The following DMD variants were observed in gnomAD, a reference collection of about 807,000 sequenced individuals.
The protein encoded by DMD is mutant dystrophin.
A neutral mutation model predicts 330.1 loss-of-function variants in DMD; 63 were observed. The observed-to-expected ratio is 0.19, with a 90% CI of 0.16 to 0.24. The LOEUF (loss-of-function observed/expected upper bound fraction) is 0.24, where lower values mean the gene tolerates loss of function less well. Ranked by LOEUF, DMD falls within the 10% of genes least tolerant of loss-of-function variation. The pLI is 1.00. For missense variants in DMD, 3,344 were observed against 2,684.1 expected (o/e 1.25, Z -5.43); for synonymous variants, 1,223 against 959.8 (o/e 1.27, Z -5.07).
chrX:31,120,835 C>T lies in DMD; in HGVS notation c.*1084G>A, dbSNP rs1443877565. On this transcript the variant is annotated 3_prime_UTR_variant, in exon 79 of 79. Coordinates refer to ENST00000357033, the MANE Select transcript of DMD (RefSeq NM_004006.3). ...CACTGAAGCATCATTAAATCTAAATCGTGGCATTGCTAGCAGCAGGAAGCT... is the reference window on the plus strand; with the variant it reads ...CACTGAAGCATCATTAAATCTAAATTGTGGCATTGCTAGCAGCAGGAAGCT... 1 of 107,651 alleles carries T rather than the reference C, an allele frequency of 9.3e-6. No individual in the cohort carries two copies. The highest frequency in any genetic ancestry group is 3.5e-5 in the African/African-American group (1 of 28,175). 8.9% of individuals were successfully genotyped at this position (107,651 alleles called of 1,213,427 possible).
chrX:32,492,200 T>C (rs1411851324), intron 19 of DMD, among the ~76,000 whole-genome samples: 2 of 110,729 alleles, frequency 1.8e-5, no homozygotes, highest in African/African-American at 6.6e-5. Context: ...TAGCCGGGCG[T>C]GGTGGCGGGC....
intron 7 of DMD, among the ~76,000 whole-genome samples, chrX:32,707,994 G>A (rs1006162050): frequency 3.6e-4 from 40 of 111,750 alleles, no homozygotes; most frequent in African/African-American, 1.2e-3. Flanking sequence ...TCTTTCCTCT[G>A]CTGCTAGAAA....
At chrX:32,205,470 C>T (rs2097064024) in intron 44 of DMD, among the ~76,000 whole-genome samples, 1 of 109,768 alleles carries the variant, frequency 9.1e-6, no homozygotes. Context: ...CTTTGGGTTG[C>T]CTCTGCTCTG....
intron 60 of DMD, among the ~76,000 whole-genome samples, chrX:31,373,175 C>A (rs1023601377): frequency 9.4e-6 from 1 of 106,296 alleles, no homozygotes; most frequent in Non-Finnish European, 1.9e-5. Flanking sequence ...AAAGAGGATA[C>A]AAAGAAATGG....
chrX:31,669,296 C>G (rs191849626), intron 53 of DMD, among the ~76,000 whole-genome samples: 1 of 111,825 alleles, frequency 8.9e-6, no homozygotes, highest in African/African-American at 3.2e-5. Flanking sequence ...CTTTTTATAA[C>G]AGCCATTCTA....
intron 55 of DMD, among the ~76,000 whole-genome samples, chrX:31,572,006 G>A (rs2075847239): frequency 9.0e-6 from 1 of 110,835 alleles, no homozygotes; most frequent in African/African-American, 3.3e-5. Flanking sequence ...AGGAGAGAGA[G>A]GAGCAGAAAA....
At chrX:31,760,996 G>A (rs2089538427) in intron 51 of DMD, among the ~76,000 whole-genome samples, 1 of 97,617 alleles carries the variant, frequency 1.0e-5, no homozygotes, top group Admixed American at 1.2e-4. Flanking sequence ...CCAGGCTGGA[G>A]TGCAGTAGCC....
intron 50 of DMD, among the ~76,000 whole-genome samples, chrX:31,788,023 TA>T (rs2091397677): frequency 8.9e-6 from 1 of 112,309 alleles, no homozygotes; most frequent in Non-Finnish European, 1.9e-5. Flanking sequence ...AAGGTAATCA[TA>T]AATAAAACAT....
intron 2 of DMD, among the ~76,000 whole-genome samples, chrX:32,964,509 A>G (rs780370014): frequency 3.6e-5 from 4 of 109,769 alleles, no homozygotes; most frequent in African/African-American, 1.3e-4. Context: ...GGAGTTTGAG[A>G]CCAGCCTGGC....
chrX:31,341,874 C>T (rs1256118137), intron 61 of DMD, among the ~76,000 whole-genome samples: 7 of 76,380 alleles, frequency 9.2e-5, no homozygotes, highest in Admixed American at 1.4e-4. Context: ...CTGGCGTGCG[C>T]GCGTGCGTGC....
chrX:31,944,152 C>G (rs2095050578), intron 45 of DMD, among the ~76,000 whole-genome samples: 1 of 111,358 alleles, frequency 9.0e-6, no homozygotes, highest in Non-Finnish European at 1.9e-5. Context: ...CCCTGAGACC[C>G]ATGCAGTGGT....
intron 43 of DMD, among the ~76,000 whole-genome samples, chrX:32,263,850 C>G (rs1040471933): frequency 9.0e-6 from 1 of 111,633 alleles, no homozygotes; most frequent in Non-Finnish European, 1.9e-5. Context: ...CTCATTTATC[C>G]CTCAGCCATT....
intron 44 of DMD, among the ~76,000 whole-genome samples, chrX:32,120,333 C>T (rs959677516): frequency 1.8e-5 from 2 of 111,926 alleles, no homozygotes; most frequent in African/African-American, 3.2e-5. Context: ...TGGACCTGCA[C>T]CAAAGTTACT....
At chrX:31,544,131 C>T (rs986961190) in intron 55 of DMD, among the ~76,000 whole-genome samples, 4 of 110,395 alleles carry the variant, frequency 3.6e-5, no homozygotes, top group Non-Finnish European at 7.6e-5. Context: ...AAGACCAGTC[C>T]GGCTAACATG....
chrX:32,123,202 CATATATATATATATAT>C lies in DMD; in HGVS notation c.6438+93698_6438+93713del, dbSNP rs59017074. Among the ~76,000 whole-genome samples the C allele has an allele frequency of 5.2e-4, 17 of 32,561 alleles. 1 individual carries two copies. The highest frequency in any genetic ancestry group is 3.8e-3 in the South Asian group (2 of 524). 28.3% of individuals were successfully genotyped at this position (32,561 alleles called of 115,157 possible). On this transcript the variant is annotated intron_variant, in intron 44 of 78. Coordinates refer to ENST00000357033, the MANE Select transcript of DMD (RefSeq NM_004006.3). ...TAAGGTGAATGGTTTTGTGAGCATG[CATATATATATATATAT>C]ATATATATATATATATATATATATA...
chrX:31,495,482 A>G (rs1020142825), intron 57 of DMD, among the ~76,000 whole-genome samples: 17 of 111,972 alleles, frequency 1.5e-4, no homozygotes, highest in Non-Finnish European at 2.8e-4. Context: ...GAACAAGACA[A>G]AATCTCTGCC....
At chrX:32,271,019 C>T (rs1010099629) in intron 43 of DMD, among the ~76,000 whole-genome samples, 4 of 111,165 alleles carry the variant, frequency 3.6e-5, no homozygotes, top group Non-Finnish European at 5.7e-5. Context: ...TTAGCATCTA[C>T]GTCCTTATCA....
intron 2 of DMD, among the ~76,000 whole-genome samples, chrX:32,875,142 T>A (rs763308161): frequency 8.9e-6 from 1 of 112,544 alleles, no homozygotes; most frequent in Admixed American, 9.4e-5. Context: ...AAGCTCCCTC[T>A]GGAATGGAGG....
chrX:31,414,595 A>G (rs767874480), intron 60 of DMD, among the ~76,000 whole-genome samples: 4 of 112,201 alleles, frequency 3.6e-5, no homozygotes, highest in Non-Finnish European at 7.5e-5. Flanking sequence ...AATGCTATTA[A>G]TTACGCCGCT....
Sources: allele counts gnomAD v4.1 joint callset (sites outside exome capture counted in the v4.1 genomes callset), GRCh38; gene constraint gnomAD v4.1.1; transcripts MANE v1.5; gene names NCBI Gene and HGNC (gene_info 2026-07-23, HGNC 2026-07-21).